RANBP2: variants seen among roughly 807,000 people sequenced by gnomAD.
The protein encoded by RANBP2 is RAN binding protein 2.
RANBP2 carries 57 observed loss-of-function variants against 303.6 expected under a neutral mutation model. The ratio of observed to expected loss-of-function variants is 0.19; its 90% confidence interval spans 0.15 to 0.23. The LOEUF (loss-of-function observed/expected upper bound fraction) is 0.23. RANBP2 is among the 10% of genes least tolerant of loss of function. The probability of loss-of-function intolerance (pLI) is 1.00; values close to 1 mark genes in which losing one functional copy is unlikely to be tolerated. For missense variants in RANBP2, 3,138 were observed against 3,780.8 expected (o/e 0.83, Z 4.46); for synonymous variants, 1,167 against 1,301.5 (o/e 0.90, Z 2.23).
the RANBP2 span, among the ~76,000 whole-genome samples, chr2:109,610,881 C>A: frequency 7.2e-5 from 11 of 152,114 alleles, no homozygotes; most frequent in African/African-American, 2.7e-4. Context: ...CTAAAACTTA[C>A]ACAGAGAGGC....
the RANBP2 span, chr2:109,667,325 G>C: frequency 5.2e-6 from 3 of 578,796 alleles, no homozygotes; most frequent in Non-Finnish European, 9.5e-6. Context: ...GCCATTTAGA[G>C]AGGAAAATAA....
the RANBP2 span, among the ~76,000 whole-genome samples, chr2:109,373,857 G>A: frequency 2.0e-5 from 3 of 152,278 alleles, no homozygotes; most frequent in East Asian, 1.9e-4. Context: ...TGAAGGCTGC[G>A]TTGGGCCCCT....
chr2:109,246,706 G>A, the RANBP2 span, among the ~76,000 whole-genome samples: 1 of 152,224 alleles, frequency 6.6e-6, no homozygotes, highest in Non-Finnish European at 1.5e-5. Flanking sequence ...TCCTAAGGCT[G>A]GATGTCTCTG....
At chr2:109,496,160 C>A in the RANBP2 span, among the ~76,000 whole-genome samples, 1 of 152,220 alleles carries the variant, frequency 6.6e-6, no homozygotes, top group Non-Finnish European at 1.5e-5. Context: ...TGATTGGCTA[C>A]TTTTAGGATC....
At chr2:108,822,501 TTCTTC>T in the RANBP2 span, among the ~76,000 whole-genome samples, 20 of 152,320 alleles carry the variant, frequency 1.3e-4, no homozygotes, top group Non-Finnish European at 2.4e-4. Flanking sequence ...AGATGATACA[TTCTTC>T]TCTTCTCAAG....
the RANBP2 span, among the ~76,000 whole-genome samples, chr2:109,081,356 G>A: frequency 6.6e-6 from 1 of 152,062 alleles, no homozygotes; most frequent in Non-Finnish European, 1.5e-5. Flanking sequence ...CTCCAGATGG[G>A]GGCAGCCCCC....
At chr2:109,346,926 G>C in the RANBP2 span, among the ~76,000 whole-genome samples, 1 of 151,076 alleles carries the variant, frequency 6.6e-6, no homozygotes, top group Non-Finnish European at 1.5e-5. Flanking sequence ...GTGTCATGGT[G>C]GGGGGGTCTG....
At chr2:108,950,921 C>A in the RANBP2 span, among the ~76,000 whole-genome samples, 2 of 152,228 alleles carry the variant, frequency 1.3e-5, no homozygotes, top group Non-Finnish European at 2.9e-5. Context: ...TGTGACCTTG[C>A]ATGAGGCAGG....
At chr2:109,565,112 G>A in the RANBP2 span, among the ~76,000 whole-genome samples, 1 of 151,940 alleles carries the variant, frequency 6.6e-6, no homozygotes, top group Non-Finnish European at 1.5e-5. Flanking sequence ...ATTTTATTGT[G>A]ACCAATACTC....
At chr2:108,865,105 CT>C in the RANBP2 span, among the ~76,000 whole-genome samples, 1 of 151,884 alleles carries the variant, frequency 6.6e-6, no homozygotes, top group Non-Finnish European at 1.5e-5. Flanking sequence ...TTACTTTTTC[CT>C]TTTTATCACA....
At chr2:108,826,666 A>G in the RANBP2 span, among the ~76,000 whole-genome samples, 4 of 152,122 alleles carry the variant, frequency 2.6e-5, no homozygotes, top group East Asian at 7.7e-4. Context: ...CTTTGTAGTA[A>G]ATTTTGAAAA....
the RANBP2 span, among the ~76,000 whole-genome samples, chr2:109,602,785 C>A: frequency 1.3e-5 from 2 of 149,686 alleles, no homozygotes; most frequent in Middle Eastern, 3.4e-3. Context: ...TTTGAGAAGT[C>A]ATTTATTTAG....
chr2:108,745,127 T>C (rs1696411646), intron 7 of RANBP2, among the ~76,000 whole-genome samples: 1 of 152,042 alleles, frequency 6.6e-6, no homozygotes, highest in African/African-American at 2.4e-5. Flanking sequence ...CTTTTTTTTT[T>C]TTTTAATGCT....
At chr2:108,757,861 T>G (rs1230362126) in intron 17 of RANBP2, among the ~76,000 whole-genome samples, 1 of 152,228 alleles carries the variant, frequency 6.6e-6, no homozygotes, top group Non-Finnish European at 1.5e-5. Flanking sequence ...TTTAGGAGGT[T>G]ATTTGTTTAG....
the RANBP2 span, among the ~76,000 whole-genome samples, chr2:109,680,565 G>A: frequency 6.6e-6 from 1 of 152,136 alleles, no homozygotes; most frequent in Non-Finnish European, 1.5e-5. Flanking sequence ...TGTTAAAAAT[G>A]TGTGTTGAGC....
the RANBP2 span, chr2:109,545,748 A>C: frequency 8.1e-4 from 1,158 of 1,427,614 alleles, 1 homozygote; most frequent in Non-Finnish European, 9.8e-4. Context: ...TGGGCTATTC[A>C]ATAAGAGCAG....
chr2:109,582,053 G>C, the RANBP2 span, among the ~76,000 whole-genome samples: 14 of 149,096 alleles, frequency 9.4e-5, no homozygotes, highest in Middle Eastern at 3.4e-3. Flanking sequence ...GCCGTATCAA[G>C]AACACAATGC....
chr2:109,704,318 T>C, the RANBP2 span, among the ~76,000 whole-genome samples: 1 of 150,536 alleles, frequency 6.6e-6, no homozygotes, highest in Non-Finnish European at 1.5e-5. Flanking sequence ...GAGGCCGAGG[T>C]GGAAGGATCA....
the RANBP2 span, among the ~76,000 whole-genome samples, chr2:109,634,802 A>G: frequency 7.0e-6 from 1 of 142,344 alleles, no homozygotes; most frequent in African/African-American, 2.5e-5. Context: ...ACCAATATTT[A>G]CTAAAACTAA....
Sources: gnomAD v4.1 joint callset for allele counts (sites outside exome capture counted in the v4.1 genomes callset) on GRCh38, gnomAD v4.1.1 for gene constraint, MANE v1.5 for transcripts, NCBI Gene and HGNC (gene_info 2026-07-23, HGNC 2026-07-21) for gene names.